The following NCKAP5 variants were observed in gnomAD, a reference collection of about 807,000 sequenced individuals.
NCKAP5 encodes the protein NCK associated protein 5.
NCKAP5 carries 92 observed loss-of-function variants against 167.0 expected under a neutral mutation model. The ratio of observed to expected loss-of-function variants is 0.55; its 90% CI spans 0.47 to 0.66. NCKAP5 has a LOEUF of 0.66. Ranked by LOEUF, NCKAP5 falls within the 30% of genes least tolerant of loss-of-function variation. The pLI is 0.00. For synonymous variants in NCKAP5, 891 were observed against 877.4 expected, an observed-to-expected ratio of 1.02 and a Z score of -0.27; for missense variants, 2,378 against 2,315.0, an observed-to-expected ratio of 1.03 and a Z score of -0.56.
At chr2:132,765,612 A>C (rs1314994516) in intron 16 of NCKAP5, among the ~76,000 whole-genome samples, 1 of 151,718 alleles carries the variant, frequency 6.6e-6, no homozygotes, top group African/African-American at 2.4e-5. Context: ...GCATTTCTTA[A>C]ATGATAGTAA....
chr2:132,928,731 G>T (rs1218607246), intron 8 of NCKAP5, among the ~76,000 whole-genome samples: 1 of 152,028 alleles, frequency 6.6e-6, no homozygotes, highest in African/African-American at 2.4e-5. Flanking sequence ...TTAGTAAATG[G>T]CCAAATAACA....
At chr2:133,360,346 A>G (rs895177744) in intron 3 of NCKAP5, among the ~76,000 whole-genome samples, 5 of 152,242 alleles carry the variant, frequency 3.3e-5, no homozygotes, top group Non-Finnish European at 7.3e-5. Context: ...TTTCTAGGCA[A>G]CTATTTGTCT....
intron 11 of NCKAP5, among the ~76,000 whole-genome samples, chr2:132,847,561 C>A (rs1688755150): frequency 6.6e-6 from 1 of 152,204 alleles, no homozygotes; most frequent in Admixed American, 6.5e-5. Context: ...GGCAATGCTG[C>A]ATTAGTACGC....
chr2:132,687,755 A>ACACACACACACACACC (rs138845809), intron 19 of NCKAP5, among the ~76,000 whole-genome samples: 12 of 142,310 alleles, frequency 8.4e-5, no homozygotes, highest in African/African-American at 3.2e-4. Context: ...ACACACACAC[A>ACACACACACACACACC]CCCTTCCTCT....
At chr2:132,953,961 G>A (rs2076269695) in intron 8 of NCKAP5, among the ~76,000 whole-genome samples, 1 of 152,130 alleles carries the variant, frequency 6.6e-6, no homozygotes, top group Non-Finnish European at 1.5e-5. Flanking sequence ...TGCTGATTTG[G>A]TGCCATCACA....
the NCKAP5 span, among the ~76,000 whole-genome samples, chr2:133,601,484 C>T: frequency 4.6e-5 from 7 of 152,164 alleles, no homozygotes; most frequent in Non-Finnish European, 8.8e-5. Context: ...AACCCCAGCA[C>T]TTTGGGAGGC....
At chr2:133,440,534 C>T (rs1012126007) in intron 3 of NCKAP5, among the ~76,000 whole-genome samples, 1 of 151,726 alleles carries the variant, frequency 6.6e-6, no homozygotes, top group African/African-American at 2.4e-5. Context: ...CACGGTGAAA[C>T]TCCATCTTTA....
At chr2:132,918,711 G>A (rs1574626073) in intron 8 of NCKAP5, among the ~76,000 whole-genome samples, 1 of 152,262 alleles carries the variant, frequency 6.6e-6, no homozygotes, top group African/African-American at 2.4e-5. Flanking sequence ...AAACACAAGT[G>A]ATTCAAAGGA....
At chr2:133,545,496 A>G (rs530387190) in intron 2 of NCKAP5, among the ~76,000 whole-genome samples, 46 of 152,246 alleles carry the variant, frequency 3.0e-4, no homozygotes, top group African/African-American at 1.1e-3. Context: ...ATTTGTTTCC[A>G]TTGATCAGCA....
At chr2:132,838,643 A>G (rs994558638) in intron 11 of NCKAP5, among the ~76,000 whole-genome samples, 13 of 152,062 alleles carry the variant, frequency 8.5e-5, no homozygotes, top group Admixed American at 2.0e-4. Flanking sequence ...AAAAACAACA[A>G]CAACAACAAA....
chr2:133,076,472 T>TG lies in NCKAP5; in HGVS notation c.341+53505dup, dbSNP rs1193769323. Among the ~76,000 whole-genome samples the TG allele has an allele frequency of 2.5e-4, 38 of 151,444 alleles. 1 individual carries two copies. The highest frequency in any genetic ancestry group is 2.1e-3 in the Admixed American group (31 of 14,870). ...ACAATCACACGATCCATCCTACGTA[T>TG]GAAAAAAAAATGTTGATTTTAAATT... On this transcript the variant is annotated intron_variant, in intron 6 of 19. Transcript: ENST00000409261.
At chr2:132,731,439 T>G (rs1311198981) in intron 17 of NCKAP5, among the ~76,000 whole-genome samples, 1 of 152,228 alleles carries the variant, frequency 6.6e-6, no homozygotes, top group Admixed American at 6.5e-5. Context: ...GAGTTAAGTT[T>G]TATAGGATAA....
chr2:132,673,137 C>T lies in NCKAP5; in HGVS notation c.*152G>A. ...CTATCTGAACTACTCAAAGATGTCT[C>T]TTCATTTTTTTCTTTTTCTTCCTTC... On this transcript the variant is annotated 3_prime_UTR_variant, in exon 20 of 20. Coordinates refer to ENST00000409261, the MANE Select transcript of NCKAP5 (RefSeq NM_207363.3). 7.4e-7 allele frequency: 1 copy of T among 1,353,810 alleles called. No individual in the cohort carries two copies. The highest frequency in any genetic ancestry group is 2.8e-5 in the East Asian group (1 of 35,484). 83.9% of individuals were successfully genotyped at this position (1,353,810 alleles called of 1,614,324 possible). A position where few individuals can be genotyped will look rare whatever the true frequency, so the allele number is the denominator to read the frequency against.
intron 8 of NCKAP5, among the ~76,000 whole-genome samples, chr2:132,920,742 T>C (rs1368116031): frequency 9.8e-5 from 9 of 91,530 alleles, no homozygotes; most frequent in African/African-American, 5.1e-4. Flanking sequence ...TGTATATATA[T>C]GTGTATATAT....
intron 3 of NCKAP5, among the ~76,000 whole-genome samples, chr2:133,363,104 A>G (rs895679180): frequency 1.3e-5 from 2 of 152,112 alleles, no homozygotes; most frequent in African/African-American, 4.8e-5. Flanking sequence ...AGCAGGCTAT[A>G]GAAGTGGGGA....
the NCKAP5 span, among the ~76,000 whole-genome samples, chr2:133,589,222 G>A: frequency 2.0e-5 from 3 of 152,190 alleles, no homozygotes; most frequent in Non-Finnish European, 4.4e-5. Flanking sequence ...AAGTAGCAGT[G>A]GAGGTGTCAG....
chr2:133,662,780 C>T, the NCKAP5 span, among the ~76,000 whole-genome samples: 1 of 150,546 alleles, frequency 6.6e-6, no homozygotes, highest in Non-Finnish European at 1.5e-5. Context: ...ACAGGCATAC[C>T]ATGGAGATAT....
chr2:132,944,287 G>A (rs2149110862), intron 8 of NCKAP5, among the ~76,000 whole-genome samples: 1 of 152,270 alleles, frequency 6.6e-6, no homozygotes, highest in East Asian at 1.9e-4. Flanking sequence ...TAGAATTAGT[G>A]GGAGACAGGC....
intron 3 of NCKAP5, among the ~76,000 whole-genome samples, chr2:133,460,686 T>G (rs1308504494): frequency 6.6e-6 from 1 of 152,140 alleles, no homozygotes; most frequent in Admixed American, 6.5e-5. Flanking sequence ...AATAATTTTA[T>G]TTTCTTCCTC....
Sources: gnomAD v4.1 joint callset for allele counts (sites outside exome capture counted in the v4.1 genomes callset) on GRCh38, gnomAD v4.1.1 for gene constraint, MANE v1.5 for transcripts, NCBI Gene and HGNC (gene_info 2026-07-23, HGNC 2026-07-21) for gene names.